The following SART3 variants were observed in gnomAD, a reference collection of about 807,000 sequenced individuals.
SART3 encodes spliceosome associated factor 3, U4/U6 recycling protein.
SART3 carries 44 observed loss-of-function variants against 122.3 expected under a neutral mutation model. That is an observed-to-expected ratio of 0.36 (90% CI 0.28 to 0.46). The LOEUF is 0.46. Among genes scored for constraint, SART3 ranks in the 20% least tolerant of loss-of-function variants. SART3 has a pLI of 1.00. For missense variants in SART3, 1,101 were observed against 1,229.0 expected (o/e 0.90, Z 1.56); for synonymous variants, 442 against 454.0 (o/e 0.97, Z 0.34).
intron 1 of SART3, among the ~76,000 whole-genome samples, chr12:108,556,472 A>G (rs949998317): frequency 6.6e-6 from 1 of 152,220 alleles, no homozygotes; most frequent in Non-Finnish European, 1.5e-5. Context: ...TCAATTACAG[A>G]TAAGAACATG....
chr12:108,524,246 TC>T (rs1196309866), intron 18 of SART3, 69 bp downstream of exon 18: 2 of 1,276,282 alleles, frequency 1.6e-6, no homozygotes, highest in Non-Finnish European at 2.3e-6. Context: ...CCCGGGTTAA[TC>T]CCCCCGTGAT....
At chr12:108,532,431 A>G (rs1472431598) in intron 12 of SART3, 97 bp from the exon 13 acceptor site, 2 of 919,108 alleles carry the variant, frequency 2.2e-6, no homozygotes, top group East Asian at 2.6e-5. Context: ...CTCACTCTTC[A>G]GTAACTCTAG....
intron 13 of SART3, 89 bp downstream of exon 13, chr12:108,532,133 C>G: frequency 8.9e-7 from 1 of 1,125,840 alleles, no homozygotes; most frequent in South Asian, 1.3e-5. Context: ...TAAACACAGT[C>G]TGTCCCCAGA....
chr12:108,548,664 A>G (rs1461904354), intron 2 of SART3, among the ~76,000 whole-genome samples: 1 of 152,266 alleles, frequency 6.6e-6, no homozygotes, highest in Non-Finnish European at 1.5e-5. Flanking sequence ...TAATAAGCAA[A>G]TAAGTAGAAA....
Position 108,531,204 on chromosome 12 carries a change from CT to C in SART3, c.1745del (p.Lys582ArgfsTer30). ...CAAAGACTTCAAACATTGTCATTAC[CT>C]TCATTCTCTGCTCATTGACACGAGC... ...RLARVNEQRM[K>X]AAEKEAALVQ... is the part of the protein sequence containing the mutation. On this transcript the variant is annotated frameshift_variant and splice_region_variant, in exon 14 of 19. Coordinates refer to ENST00000546815, the MANE Select transcript of SART3 (RefSeq NM_014706.4). LOFTEE classifies it high-confidence loss of function. 6.2e-7 allele frequency: 1 copy of C among 1,613,712 alleles called. No homozygotes were observed. Among genetic ancestry groups the C allele is most frequent in the Non-Finnish European group, 8.5e-7 (1 of 1,179,698 alleles).
rs1873031702 is a variant in SART3 at position 108,538,925 on chromosome 12, T to C, written c.1062+9A>G. On this transcript the variant is annotated intron_variant, in intron 7 of 18. Coordinates refer to ENST00000546815, the MANE Select transcript of SART3 (RefSeq NM_014706.4). ...CAAAAATAAAATGAAATTAGAACAG[T>C]GATCTTACTAGGTACTGACTGTAAC... The C allele has an allele frequency of 6.2e-7, 1 of 1,614,042 alleles. No homozygotes were observed. The highest frequency in any genetic ancestry group is 1.3e-5 in the African/African-American group (1 of 74,914).
chr12:108,531,237 G>T lies in SART3; in HGVS notation c.1713C>A (p.Thr571=). ...DWDIAVQKTE[T]RLARVNEQRM... Reference sequence around the variant, plus strand: ...TCTGCTCATTGACACGAGCTAATCGGGTTTCAGTTTTCTGAACAGCTATAT... The same window carrying T: ...TCTGCTCATTGACACGAGCTAATCGTGTTTCAGTTTTCTGAACAGCTATAT... Residue 571 remains threonine, a synonymous_variant, in exon 14 of 19, where the codon ACC becomes ACA. Coordinates refer to ENST00000546815, the MANE Select transcript of SART3 (RefSeq NM_014706.4). The T allele has an allele frequency of 6.2e-7, 1 of 1,613,968 alleles. No individual in the cohort carries two copies. Among genetic ancestry groups the T allele is most frequent in the Non-Finnish European group, 8.5e-7 (1 of 1,179,934 alleles).
chr12:108,555,456 G>A (rs2030178491), intron 1 of SART3, among the ~76,000 whole-genome samples: 1 of 152,170 alleles, frequency 6.6e-6, no homozygotes, highest in Non-Finnish European at 1.5e-5. Context: ...CTTGAGTCCA[G>A]GAATTCAAGA....
chr12:108,557,206 G>GTTTTTTTTT (rs71076787), intron 1 of SART3, among the ~76,000 whole-genome samples: 6 of 82,930 alleles, frequency 7.2e-5, no homozygotes, highest in African/African-American at 1.6e-4. Flanking sequence ...TAATGACATA[G>GTTTTTTTTT]TTTTTTTTTT....
chr12:108,546,814 C>T (rs1009880745), intron 3 of SART3, among the ~76,000 whole-genome samples: 1 of 152,122 alleles, frequency 6.6e-6, no homozygotes, highest in Admixed American at 6.5e-5. Context: ...AGCCACCATG[C>T]CTGGCCTTAA....
chr12:108,525,374 G>A (rs1248407102), intron 17 of SART3, 83 bp downstream of exon 17: 1 of 1,444,376 alleles, frequency 6.9e-7, no homozygotes, highest in African/African-American at 1.4e-5. Context: ...ACCCATTCTA[G>A]AGGTTAAATC....
intron 15 of SART3, among the ~76,000 whole-genome samples, chr12:108,528,521 G>T (rs991429565): frequency 6.6e-6 from 1 of 151,082 alleles, no homozygotes; most frequent in African/African-American, 2.4e-5. Context: ...AAGCCTGGCA[G>T]GTCTGTGCAG....
At chr12:108,526,033 G>A in intron 16 of SART3, 66 bp downstream of exon 16, 3 of 1,250,650 alleles carry the variant, frequency 2.4e-6, no homozygotes, top group South Asian at 2.4e-5. Flanking sequence ...TATCACTGCT[G>A]CAGGAAGAAA....
At position 108,538,200 on chromosome 12, in the gene SART3, G is replaced by A; in HGVS notation, c.1066C>T (p.Arg356Ter). 6.2e-7 allele frequency: 1 copy of A among 1,614,108 alleles called. No individual in the cohort carries two copies. Among genetic ancestry groups the A allele is most frequent in the South Asian group, 1.1e-5 (1 of 91,078 alleles). The change falls in exon 8 of 19, where the codon CGA becomes TGA. Residue 356 changes from arginine (R) to a stop codon, truncating the protein, a stop_gained. Coordinates refer to ENST00000546815, the MANE Select transcript of SART3 (RefSeq NM_014706.4). LOFTEE classifies it high-confidence loss of function. ...LWIRYSQYLD[R>*]QLKVKDLVLS... ...ACCAAATCCTTTACTTTCAGTTGTCGATCCTATGATAAAGAATTCCAGAGT... is the reference window on the plus strand; with the variant it reads ...ACCAAATCCTTTACTTTCAGTTGTCAATCCTATGATAAAGAATTCCAGAGT...
chr12:108,549,278 C>T (rs961131356), intron 1 of SART3, 64 bp from the exon 2 acceptor site: 8 of 1,532,660 alleles, frequency 5.2e-6, no homozygotes, highest in Admixed American at 3.4e-5. Flanking sequence ...GCTTTTGTCA[C>T]TACTGGTAAC....
intron 1 of SART3, among the ~76,000 whole-genome samples, chr12:108,550,013 CAAAAAAAAAAAAAA>C (rs10572379): frequency 6.5e-4 from 57 of 88,244 alleles, no homozygotes; most frequent in African/African-American, 2.5e-3. Context: ...GACCCAATCT[CAAAAAAAAAAAAAA>C]AAAAAAAAAG....
intron 13 of SART3, chr12:108,531,522 G>A (rs1390507968): frequency 2.2e-6 from 1 of 453,582 alleles, no homozygotes. Flanking sequence ...GCTCTAAATG[G>A]CAAAGAATAT....
chr12:108,528,502 A>G (rs1872504511), intron 15 of SART3, among the ~76,000 whole-genome samples: 4 of 148,556 alleles, frequency 2.7e-5, no homozygotes, highest in African/African-American at 5.0e-5. Flanking sequence ...AAAAAAAAAA[A>G]GTAGGGCCAA....
At chr12:108,532,388 CGAAG>C in intron 12 of SART3, 54 bp from the exon 13 acceptor site, 1 of 1,488,288 alleles carries the variant, frequency 6.7e-7, no homozygotes, top group African/African-American at 1.4e-5. Flanking sequence ...GGAAGGCACT[CGAAG>C]GGAGAGGCCG....
Sources: gnomAD v4.1 joint callset for allele counts (sites outside exome capture counted in the v4.1 genomes callset) on GRCh38, gnomAD v4.1.1 for gene constraint, MANE v1.5 for transcripts, NCBI Gene and HGNC (gene_info 2026-07-23, HGNC 2026-07-21) for gene names.